NCKAP5: variants seen among roughly 807,000 people sequenced by gnomAD.
NCKAP5 encodes the protein nck-associated protein 5.
In NCKAP5, 92 loss-of-function variants were observed where a neutral mutation model predicts 167.0. The observed-to-expected ratio is 0.55, with a 90% CI of 0.47 to 0.66. NCKAP5 has a LOEUF of 0.66. Among genes scored for constraint, NCKAP5 ranks in the 30% least tolerant of loss-of-function variants. The pLI, the probability that NCKAP5 is intolerant of heterozygous loss-of-function variation, is 0.00. For missense variants in NCKAP5, 2,378 were observed against 2,315.0 expected (o/e 1.03, Z -0.56); for synonymous variants, 891 against 877.4 (o/e 1.02, Z -0.27).
chr2:133,062,248 T>C (rs1206939438), intron 6 of NCKAP5, among the ~76,000 whole-genome samples: 4 of 152,156 alleles, frequency 2.6e-5, no homozygotes, highest in Non-Finnish European at 4.4e-5. Flanking sequence ...TGATCTCTGG[T>C]TAAAAAGGAA....
At chr2:132,949,003 TGAAAAGAAAA>T (rs11275092) in intron 8 of NCKAP5, among the ~76,000 whole-genome samples, 11,886 of 130,050 alleles carry the variant, frequency 0.091, 1,083 homozygotes, top group African/African-American at 0.24. Flanking sequence ...TCCAGAGAAA[TGAAAAGAAAA>T]GAAAAGAAAA....
intron 8 of NCKAP5, among the ~76,000 whole-genome samples, chr2:132,962,123 C>T (rs1206856742): frequency 3.3e-5 from 5 of 152,120 alleles, no homozygotes; most frequent in Admixed American, 6.5e-5. Flanking sequence ...TGTCTGCCTT[C>T]GGTCACACCT....
intron 16 of NCKAP5, among the ~76,000 whole-genome samples, chr2:132,743,666 A>G (rs1679397635): frequency 1.3e-5 from 2 of 151,740 alleles, no homozygotes; most frequent in African/African-American, 2.4e-5. Context: ...TATATGGTAG[A>G]TTTAAATCCA....
rs1223195974 is a variant in NCKAP5, at chr2:132,693,913, C to T, written c.5714-20608G>A. ...TGCTGGGATTACATGCATGAGCCAC[C>T]GCGCCCAGCCCCTTTCTCTTGTGTT... On this transcript the variant is annotated intron_variant, in intron 19 of 19. Coordinates refer to ENST00000409261, the MANE Select transcript of NCKAP5 (RefSeq NM_207363.3). Among the ~76,000 whole-genome samples the T allele has an allele frequency of 4.6e-5, 7 of 151,918 alleles. No homozygotes were observed. In the East Asian group the frequency reaches 7.8e-4, roughly 17 times the overall value.
intron 3 of NCKAP5, among the ~76,000 whole-genome samples, chr2:133,477,390 C>G (rs551450147): frequency 6.6e-6 from 1 of 152,186 alleles, no homozygotes; most frequent in Non-Finnish European, 1.5e-5. Context: ...CTTGAACATT[C>G]TGCTCTATCT....
At chr2:133,364,297 T>G (rs182658660) in intron 3 of NCKAP5, among the ~76,000 whole-genome samples, 17 of 152,346 alleles carry the variant, frequency 1.1e-4, no homozygotes, top group Admixed American at 3.9e-4. Context: ...ATGTAATGTC[T>G]TATTGAAATA....
chr2:133,652,396 T>C, the NCKAP5 span, among the ~76,000 whole-genome samples: 1 of 152,212 alleles, frequency 6.6e-6, no homozygotes, highest in Non-Finnish European at 1.5e-5. Context: ...TGCCTCCAAA[T>C]GTAGTCACGT....
chr2:133,116,487 C>CAAAAAAA (rs1176731938), intron 6 of NCKAP5, among the ~76,000 whole-genome samples: 14 of 7,150 alleles, frequency 2.0e-3, no homozygotes, highest in East Asian at 4.7e-3. Context: ...GACTCCGTCT[C>CAAAAAAA]AAAAAAAAAA....
intron 3 of NCKAP5, among the ~76,000 whole-genome samples, chr2:133,373,814 A>G (rs750832228): frequency 2.6e-5 from 4 of 152,246 alleles, no homozygotes; most frequent in Non-Finnish European, 5.9e-5. Context: ...CAAAGGAAAT[A>G]CAACGGAGAA....
intron 8 of NCKAP5, among the ~76,000 whole-genome samples, chr2:132,883,922 T>C (rs1241268375): frequency 6.6e-6 from 1 of 152,188 alleles, no homozygotes; most frequent in East Asian, 1.9e-4. Flanking sequence ...ACAATGAAAC[T>C]TAGGAGAAAT....
chr2:133,348,952 T>C (rs1403904830), intron 3 of NCKAP5, among the ~76,000 whole-genome samples: 1 of 152,226 alleles, frequency 6.6e-6, no homozygotes, highest in East Asian at 1.9e-4. Context: ...CCAATACTGG[T>C]GTGTTCTCTC....
chr2:133,181,704 G>A (rs777356663), intron 5 of NCKAP5, among the ~76,000 whole-genome samples: 10 of 149,362 alleles, frequency 6.7e-5, no homozygotes, highest in African/African-American at 1.7e-4. Context: ...CTTGACCCTC[G>A]GAGGCAGAGG....
chr2:133,503,632 T>G (rs1682736582), intron 3 of NCKAP5, among the ~76,000 whole-genome samples: 1 of 152,242 alleles, frequency 6.6e-6, no homozygotes, highest in South Asian at 2.1e-4. Context: ...ATATGCTTTC[T>G]GTAACAACCA....
chr2:132,711,316 C>T (rs905947472), intron 19 of NCKAP5, among the ~76,000 whole-genome samples: 1 of 152,218 alleles, frequency 6.6e-6, no homozygotes, highest in African/African-American at 2.4e-5. Context: ...CAGAGCTACA[C>T]CTCACTGAGC....
intron 16 of NCKAP5, 21 bp from the exon 17 acceptor site, chr2:132,732,072 G>A (rs375668469): frequency 6.3e-6 from 10 of 1,591,690 alleles, no homozygotes; most frequent in East Asian, 2.2e-5. Context: ...GAGACAGAGA[G>A]AGAAGGGAAT....
At chr2:132,984,576 C>T (rs940566982) in intron 7 of NCKAP5, among the ~76,000 whole-genome samples, 3 of 152,104 alleles carry the variant, frequency 2.0e-5, no homozygotes, top group Non-Finnish European at 4.4e-5. Context: ...CTGTGCTCGC[C>T]GTGCAGACAA....
chr2:132,780,971 T>A, intron 15 of NCKAP5, 81 bp downstream of exon 15: 1 of 1,411,588 alleles, frequency 7.1e-7, no homozygotes, highest in South Asian at 1.4e-5. Context: ...ACCCATACAT[T>A]TTCATTAGCA....
At chr2:133,574,494 C>T in the NCKAP5 span, among the ~76,000 whole-genome samples, 4 of 152,134 alleles carry the variant, frequency 2.6e-5, no homozygotes, top group Non-Finnish European at 4.4e-5. Flanking sequence ...TGAGTTCCTC[C>T]TTTCATGTTG....
intron 8 of NCKAP5, among the ~76,000 whole-genome samples, chr2:132,882,686 A>G (rs1691861760): frequency 6.6e-6 from 1 of 152,176 alleles, no homozygotes; most frequent in Non-Finnish European, 1.5e-5. Flanking sequence ...TTCTGATAGT[A>G]TTCAAATTTA....
Sources: gnomAD v4.1 joint callset for allele counts (sites outside exome capture counted in the v4.1 genomes callset) on GRCh38, gnomAD v4.1.1 for gene constraint, MANE v1.5 for transcripts, NCBI Gene and HGNC (gene_info 2026-07-23, HGNC 2026-07-21) for gene names.